CENPE: variants seen among roughly 807,000 people sequenced by gnomAD.
CENPE encodes the protein centromere-associated protein E.
Under a neutral mutation model 336.1 loss-of-function variants are expected in CENPE, and 145 were observed. That is an observed-to-expected ratio of 0.43 (90% CI 0.38 to 0.50). The LOEUF (loss-of-function observed/expected upper bound fraction) is 0.50, where lower values mean the gene tolerates loss of function less well. CENPE is among the 20% of genes least tolerant of loss of function. The pLI is 0.00. For synonymous variants in CENPE, 1,013 were observed against 984.8 expected (o/e 1.03, Z -0.54); for missense variants, 2,719 against 3,023.3 (o/e 0.90, Z 2.36).
Position 103,144,564 on chromosome 4 carries a change from C to T in CENPE, c.4912G>A (p.Glu1638Lys). Residue 1638 changes from glutamate (E) to lysine (K), a missense_variant, in exon 33 of 49, where the codon GAG becomes AAG. Glu to Lys is a moderately conservative substitution (Grantham distance 56, BLOSUM62 1). Around this residue, in one of 5 missense-constraint regions of CENPE, gnomAD observed 2,437 missense variants for 2,513.3 expected, o/e 0.97. Coordinates refer to ENST00000265148, the MANE Select transcript of CENPE (RefSeq NM_001813.3). ...YQFLKMTAVN[E>K]TQEKMCEIEH... ...ATTTCACACATTTTCTCCTGAGTCT[C>T]ATTGACAGCTGTCATCTTAAGAAAC... 6.2e-7 allele frequency: 1 copy of T among 1,612,918 alleles called. No individual in the cohort carries two copies. Among genetic ancestry groups the T allele is most frequent in the African/African-American group, 1.3e-5 (1 of 75,030 alleles).
intron 40 of CENPE, 91 bp from the exon 41 acceptor site, chr4:103,133,983 A>T: frequency 3.8e-6 from 3 of 783,180 alleles, no homozygotes; most frequent in Non-Finnish European, 6.4e-6. Flanking sequence ...GTAGGATGAC[A>T]TCTCTTATTT....
intron 1 of CENPE, among the ~76,000 whole-genome samples, chr4:103,197,722 C>G (rs1249286774): frequency 6.6e-6 from 1 of 152,200 alleles, no homozygotes; most frequent in East Asian, 1.9e-4. Context: ...ACATTTTCAA[C>G]TTTACTTTCT....
In CENPE at chr4:103,158,599, C is replaced by A; in HGVS notation, c.2874+15G>T. ...AGTCTCCAATTTTTCAAAGTTTAAT[C>A]AATCAAAACCTTACCATGTTAACAG... is the stretch of plus-strand genomic sequence containing the variant. On this transcript the variant is annotated intron_variant, in intron 23 of 48. Coordinates refer to ENST00000265148, the MANE Select transcript of CENPE (RefSeq NM_001813.3). 6.4e-7 allele frequency: 1 copy of A among 1,568,846 alleles called. No homozygotes were observed. The highest frequency in any genetic ancestry group is 1.2e-5 in the South Asian group (1 of 82,158).
At chr4:103,125,368 C>T (rs982600839) in intron 42 of CENPE, among the ~76,000 whole-genome samples, 1 of 152,154 alleles carries the variant, frequency 6.6e-6, no homozygotes, top group Non-Finnish European at 1.5e-5. Flanking sequence ...GAAGGGATTA[C>T]TTCTGAAAGC....
At chr4:103,152,947 T>C in intron 25 of CENPE, 100 bp downstream of exon 25, 1 of 831,152 alleles carries the variant, frequency 1.2e-6, no homozygotes, top group Non-Finnish European at 1.8e-6. Flanking sequence ...TTCCACCAGA[T>C]ACATTTATTG....
At position 103,110,970 on chromosome 4, in the gene CENPE, A is replaced by C; in HGVS notation, c.7582T>G (p.Leu2528Val). The change falls in exon 47 of 49, where the codon TTA becomes GTA. Residue 2528 changes from leucine (L) to valine (V), a missense_variant. Leu to Val is a conservative substitution (Grantham distance 32, BLOSUM62 1). This residue lies in a region of CENPE where 2,437 missense variants were observed against 2,513.3 expected (regional missense o/e 0.97). Coordinates refer to ENST00000265148, the MANE Select transcript of CENPE (RefSeq NM_001813.3). Reference sequence around the variant, plus strand: ...ATGCCGCTGCCACCTCCACAAGTTAAGGGTTTATTTGAAGGCTGAGGATCA... The same window carrying C: ...ATGCCGCTGCCACCTCCACAAGTTACGGGTTTATTTGAAGGCTGAGGATCA... Reference protein sequence around the residue: ...HTDPQPSNKPLTCGGGSGIVQ... With the variant: ...HTDPQPSNKPVTCGGGSGIVQ... 1.2e-6 allele frequency: 2 copies of C among 1,610,192 alleles called. No homozygotes were observed. The highest frequency in any genetic ancestry group is 1.7e-6 in the Non-Finnish European group (2 of 1,178,486).
In CENPE at chr4:103,140,504, T is replaced by C. The variant is rs889423170; in HGVS notation, c.5755-90A>G. The C allele has an allele frequency of 2.7e-5, 26 of 965,734 alleles. No homozygotes were observed. The African/African-American group carries it at 4.3e-4, about 16-fold the overall frequency. The allele number at this position is 965,734 out of a possible 1,614,324, so 59.8% of individuals were successfully genotyped here. A position where few individuals can be genotyped will look rare whatever the true frequency, so the allele number is the denominator to read the frequency against. On this transcript the variant is annotated intron_variant, in intron 36 of 48. Transcript: ENST00000265148. ...TGAGTTTAAACAAAATCTTAAAAATTATACACTCACAGTTAAAAACAACCA... is the reference window on the plus strand; with the variant it reads ...TGAGTTTAAACAAAATCTTAAAAATCATACACTCACAGTTAAAAACAACCA...
chr4:103,110,791 G>T, intron 47 of CENPE, 37 bp downstream of exon 47: 1 of 1,479,966 alleles, frequency 6.8e-7, no homozygotes, highest in Non-Finnish European at 9.1e-7. Flanking sequence ...TGTAATAGCC[G>T]TAAGCATAAT....
In CENPE at chr4:103,151,205, C is replaced by A; in HGVS notation, c.3396+14G>T. ...TTAGAAAAAATGGCCAGGGAAATAACTTTAAAAATTCACCTTTTCCTTTAG... is the reference window on the plus strand; with the variant it reads ...TTAGAAAAAATGGCCAGGGAAATAAATTTAAAAATTCACCTTTTCCTTTAG... On this transcript the variant is annotated intron_variant, in intron 26 of 48. Transcript: ENST00000265148. The A allele has an allele frequency of 6.3e-7, 1 of 1,579,810 alleles. No homozygotes were observed.
At chr4:103,110,754 C>G (rs779168377) in intron 47 of CENPE, 74 bp downstream of exon 47, 3 of 1,113,444 alleles carry the variant, frequency 2.7e-6, no homozygotes, top group Admixed American at 3.1e-5. Context: ...GCAAAAAATA[C>G]GTGCATATAC....
intron 39 of CENPE, among the ~76,000 whole-genome samples, chr4:103,137,408 AG>A (rs1157851091): frequency 2.6e-5 from 4 of 152,214 alleles, no homozygotes; most frequent in African/African-American, 9.6e-5. Flanking sequence ...TAACATGTTT[AG>A]TTCAGGCTGC....
In CENPE at chr4:103,158,378, C is replaced by A. The variant is rs144320434; in HGVS notation, c.2955G>T (p.Ser985=). 2 of 1,609,130 alleles carry A rather than the reference C, an allele frequency of 1.2e-6. No homozygotes were observed. Among genetic ancestry groups the A allele is most frequent in the Non-Finnish European group, 1.7e-6 (2 of 1,177,828 alleles). Residue 985 remains serine, a synonymous_variant, in exon 24 of 49, where the codon TCG becomes TCT. Coordinates refer to ENST00000265148, the MANE Select transcript of CENPE (RefSeq NM_001813.3). The part of the protein sequence containing the change: ...QHQETINTLK[S]KISEEVSRNL... Reference sequence around the variant, plus strand: ...TCCTGGAAACTTCCTCAGAAATTTTCGATTTTAGTGTATTAATTGTTTCTT... The same window carrying A: ...TCCTGGAAACTTCCTCAGAAATTTTAGATTTTAGTGTATTAATTGTTTCTT...
intron 45 of CENPE, 69 bp downstream of exon 45, chr4:103,116,508 A>T: frequency 4.6e-6 from 3 of 657,570 alleles, no homozygotes; most frequent in Non-Finnish European, 7.5e-6. Context: ...TTAACTAATG[A>T]AAAGTATATG....
chr4:103,139,933 G>A lies in CENPE; in HGVS notation c.6060C>T (p.Asn2020=), dbSNP rs1302138297. ...NLSMQSVRMD[N]FQLTKKLHES... is the part of the protein sequence containing the mutation. ...CATGAAGTTTCTTAGTCAACTGGAAGTTATCCATTCTCACACTTTGCATAG... is the reference window on the plus strand; with the variant it reads ...CATGAAGTTTCTTAGTCAACTGGAAATTATCCATTCTCACACTTTGCATAG... Residue 2020 remains asparagine (N), a synonymous_variant, in exon 38 of 49, where the codon AAC becomes AAT. Transcript: ENST00000265148. 6.2e-7 allele frequency: 1 copy of A among 1,613,326 alleles called. No individual in the cohort carries two copies. The highest frequency in any genetic ancestry group is 1.1e-5 in the South Asian group (1 of 91,058).
At chr4:103,170,273 TAAAG>T (rs1755291854) in intron 16 of CENPE, among the ~76,000 whole-genome samples, 1 of 152,022 alleles carries the variant, frequency 6.6e-6, no homozygotes, top group African/African-American at 2.4e-5. Context: ...CCCCAGAACT[TAAAG>T]TATAATTAAA....
intron 8 of CENPE, among the ~76,000 whole-genome samples, chr4:103,187,531 T>C (rs1019030414): frequency 3.3e-5 from 5 of 152,134 alleles, no homozygotes; most frequent in Non-Finnish European, 2.9e-5. Context: ...ACCCAGAATT[T>C]CATATCCAGC....
chr4:103,123,373 G>A (rs1044091753), intron 42 of CENPE, among the ~76,000 whole-genome samples: 3 of 152,072 alleles, frequency 2.0e-5, no homozygotes, highest in East Asian at 1.9e-4. Context: ...CTGATTATCC[G>A]ATTGCTGCTG....
chr4:103,145,067 T>C lies in CENPE; in HGVS notation c.4840A>G (p.Lys1614Glu). 6.6e-7 allele frequency: 1 copy of C among 1,515,508 alleles called. No homozygotes were observed. The highest frequency in any genetic ancestry group is 1.4e-5 in the African/African-American group (1 of 71,622). The allele number at this position is 1,515,508 out of a possible 1,614,324, so 93.9% of individuals were successfully genotyped here. Residue 1614 changes from lysine to glutamate, a missense_variant, in exon 32 of 49, where the codon AAA (lysine) becomes GAA (glutamate). By Grantham distance (56) the Lys-to-Glu change is moderately conservative. Around this residue, in one of 5 missense-constraint regions of CENPE, gnomAD observed 2,437 missense variants for 2,513.3 expected, o/e 0.97. Transcript: ENST00000265148. ...IERDQLKENT[K>E]EIVAKMKESQ... Reference sequence around the variant, plus strand: ...GAACTTACTTTAGCTACAATTTCTTTAGTGTTTTCTTTCAGTTGGTCTCTC... The same window carrying C: ...GAACTTACTTTAGCTACAATTTCTTCAGTGTTTTCTTTCAGTTGGTCTCTC...
intron 42 of CENPE, among the ~76,000 whole-genome samples, chr4:103,124,393 T>C (rs573029787): frequency 2.0e-5 from 3 of 152,250 alleles, no homozygotes; most frequent in South Asian, 2.1e-4. Context: ...ATCTGCAAGA[T>C]GATAATCTCA....
Sources: allele counts gnomAD v4.1 joint callset (sites outside exome capture counted in the v4.1 genomes callset), GRCh38; gene constraint gnomAD v4.1.1; regional missense constraint gnomAD v4.1.1; transcripts MANE v1.5; gene names NCBI Gene and HGNC (gene_info 2026-07-23, HGNC 2026-07-21).